The following SLC2A13 variants were observed in gnomAD, a reference collection of about 807,000 sequenced individuals.
The protein encoded by SLC2A13 is proton myo-inositol cotransporter.
Under a neutral mutation model 64.4 loss-of-function variants are expected in SLC2A13, and 32 were observed. That is an observed-to-expected ratio of 0.50 (90% CI 0.37 to 0.67). The LOEUF (loss-of-function observed/expected upper bound fraction) is 0.67. Ranked by LOEUF, SLC2A13 falls within the 30% of genes least tolerant of loss-of-function variation. The pLI is 0.00. For synonymous variants in SLC2A13, 338 were observed against 327.1 expected (o/e 1.03, Z -0.36); for missense variants, 743 against 829.2 (o/e 0.90, Z 1.28).
chr12:39,993,462 G>C (rs1947173266), intron 3 of SLC2A13, among the ~76,000 whole-genome samples: 1 of 152,218 alleles, frequency 6.6e-6, no homozygotes, highest in East Asian at 1.9e-4. Flanking sequence ...CTTTACTCCT[G>C]CATCTTCCAT....
intron 4 of SLC2A13, among the ~76,000 whole-genome samples, chr12:39,905,506 T>G (rs1289320495): frequency 6.6e-6 from 1 of 152,164 alleles, no homozygotes; most frequent in Non-Finnish European, 1.5e-5. Context: ...GGCATTTTTC[T>G]CTTTCTCATT....
At position 39,830,109 on chromosome 12, in the gene SLC2A13, C is replaced by G. The variant is rs1360963734; in HGVS notation, c.1439G>C (p.Trp480Ser). Residue 480 changes from tryptophan to serine, a missense_variant, in exon 7 of 10, where the codon TGG (tryptophan) becomes TCG (serine). Physicochemically the swap from Trp to Ser is radical, Grantham distance 177. Around this residue, in one of 2 missense-constraint regions of SLC2A13, gnomAD observed 295 missense variants for 381.7 expected, o/e 0.77. Transcript: ENST00000280871. ...VNKASTNEAA[W>S]GRCENETKFK... ...GGTAAAATGAGTGATATACCTGCCC[C>G]AGGCTGCCTCATTTGTAGATGCTTT... The G allele has an allele frequency of 6.2e-7, 1 of 1,613,592 alleles. No individual in the cohort carries two copies. Among genetic ancestry groups the G allele is most frequent in the Non-Finnish European group, 8.5e-7 (1 of 1,179,716 alleles).
At chr12:39,767,233 G>A (rs962476898) in intron 7 of SLC2A13, among the ~76,000 whole-genome samples, 2 of 151,796 alleles carry the variant, frequency 1.3e-5, no homozygotes, top group Non-Finnish European at 2.9e-5. Flanking sequence ...CATTCATCTT[G>A]TACATCTCCA....
chr12:39,950,491 G>T (rs1247310176), intron 4 of SLC2A13: 1 of 152,064 alleles, frequency 6.6e-6, no homozygotes, highest in Non-Finnish European at 1.5e-5. Context: ...AGTCCTGTAT[G>T]GCCCTTATCA....
intron 6 of SLC2A13, among the ~76,000 whole-genome samples, chr12:39,848,308 T>C (rs2135888736): frequency 6.6e-6 from 1 of 152,222 alleles, no homozygotes; most frequent in African/African-American, 2.4e-5. Flanking sequence ...CCAGCATTTA[T>C]AAGGAACTTA....
intron 3 of SLC2A13, among the ~76,000 whole-genome samples, chr12:39,954,710 A>G (rs1181407034): frequency 6.6e-6 from 1 of 152,194 alleles, no homozygotes; most frequent in Non-Finnish European, 1.5e-5. Context: ...ATGAGATAAA[A>G]TTTTATAATG....
intron 4 of SLC2A13, among the ~76,000 whole-genome samples, chr12:39,944,088 T>C (rs1271198068): frequency 2.6e-5 from 4 of 152,252 alleles, no homozygotes; most frequent in African/African-American, 7.2e-5. Flanking sequence ...TCCATGTTGA[T>C]GTCATTTTTG....
At chr12:39,774,077 G>C (rs1940681963) in intron 7 of SLC2A13, among the ~76,000 whole-genome samples, 1 of 152,134 alleles carries the variant, frequency 6.6e-6, no homozygotes, top group African/African-American at 2.4e-5. Context: ...GTTCTTTGTT[G>C]ATAGAAAGTT....
At chr12:39,823,270 G>A (rs1431715660) in intron 7 of SLC2A13, among the ~76,000 whole-genome samples, 1 of 152,102 alleles carries the variant, frequency 6.6e-6, no homozygotes, top group Non-Finnish European at 1.5e-5. Context: ...TTAACTTTGA[G>A]CTACATTGTT....
chr12:40,096,831 T>G (rs1565626104), intron 1 of SLC2A13, among the ~76,000 whole-genome samples: 1 of 152,174 alleles, frequency 6.6e-6, no homozygotes, highest in Admixed American at 6.5e-5. Flanking sequence ...TACAATCATT[T>G]TGTGAAATTC....
intron 1 of SLC2A13, among the ~76,000 whole-genome samples, chr12:40,090,361 T>A (rs1163576332): frequency 1.3e-5 from 2 of 152,164 alleles, no homozygotes; most frequent in Non-Finnish European, 1.5e-5. Flanking sequence ...CACTATTTGC[T>A]CATATGGCTT....
chr12:39,900,836 TA>T (rs1945077060), intron 4 of SLC2A13, among the ~76,000 whole-genome samples: 1 of 152,112 alleles, frequency 6.6e-6, no homozygotes, highest in African/African-American at 2.4e-5. Flanking sequence ...TGGAAAAAAC[TA>T]CTTTAAAGTT....
At chr12:39,805,055 G>GGAGGGAGAAGCCTGCTT (rs1435345863) in intron 7 of SLC2A13, among the ~76,000 whole-genome samples, 14 of 152,170 alleles carry the variant, frequency 9.2e-5, no homozygotes, top group Non-Finnish European at 2.1e-4. Context: ...GAAGCCTGCT[G>GGAGGGAGAAGCCTGCTT]GAGAGAGAAG....
At chr12:40,097,059 ATACT>A (rs1306245181) in intron 1 of SLC2A13, among the ~76,000 whole-genome samples, 1 of 152,144 alleles carries the variant, frequency 6.6e-6, no homozygotes, top group Admixed American at 6.5e-5. Context: ...CCTTTAATTC[ATACT>A]TAAACTAAGG....
intron 6 of SLC2A13, among the ~76,000 whole-genome samples, chr12:39,847,225 T>C (rs1205823093): frequency 6.6e-6 from 1 of 152,162 alleles, no homozygotes; most frequent in Non-Finnish European, 1.5e-5. Context: ...AAATGTCTCA[T>C]AAAATTAACA....
chr12:39,887,223 A>T (rs1243988348), intron 4 of SLC2A13, among the ~76,000 whole-genome samples: 1 of 152,236 alleles, frequency 6.6e-6, no homozygotes, highest in Non-Finnish European at 1.5e-5. Context: ...GCTGCTAAAT[A>T]AGTTGTCACT....
At chr12:39,983,164 T>C (rs1056777529) in intron 3 of SLC2A13, among the ~76,000 whole-genome samples, 1 of 151,782 alleles carries the variant, frequency 6.6e-6, no homozygotes, top group Non-Finnish European at 1.5e-5. Flanking sequence ...TTACACCTTA[T>C]ACAAAACTCA....
intron 4 of SLC2A13, among the ~76,000 whole-genome samples, chr12:39,911,098 C>A (rs1945420692): frequency 6.6e-6 from 1 of 151,872 alleles, no homozygotes; most frequent in Admixed American, 6.6e-5. Flanking sequence ...ACAAAACAAA[C>A]AAACAAAAAT....
chr12:39,797,749 C>T (rs918025713), intron 7 of SLC2A13, among the ~76,000 whole-genome samples: 11 of 152,106 alleles, frequency 7.2e-5, no homozygotes, highest in African/African-American at 1.9e-4. Flanking sequence ...CACACACACA[C>T]ACACACACAC....
Sources: allele counts gnomAD v4.1 joint callset (sites outside exome capture counted in the v4.1 genomes callset), GRCh38; gene constraint gnomAD v4.1.1; regional missense constraint gnomAD v4.1.1; transcripts MANE v1.5; gene names NCBI Gene and HGNC (gene_info 2026-07-23, HGNC 2026-07-21).